The following AHNAK variants were observed in gnomAD, a reference collection of about 807,000 sequenced individuals.
AHNAK encodes the protein AHNAK nucleoprotein.
In AHNAK, 23 loss-of-function variants were observed where a neutral mutation model predicts 37.8. That is an observed-to-expected ratio of 0.61 (90% CI 0.44 to 0.86). The LOEUF is 0.86. AHNAK is among the 40% of genes least tolerant of loss of function. The probability of loss-of-function intolerance (pLI) is 0.00; values close to 1 mark genes in which losing one functional copy is unlikely to be tolerated. For synonymous variants in AHNAK, 2,481 were observed against 2,636.3 expected (o/e 0.94, Z 1.80); for missense variants, 7,411 against 7,319.4 (o/e 1.01, Z -0.46).
Position 62,529,205 on chromosome 11 carries a change from T to C in AHNAK, c.5212A>G (p.Lys1738Glu). 1.2e-6 allele frequency: 2 copies of C among 1,614,210 alleles called. No homozygotes were observed. Among genetic ancestry groups the C allele is most frequent in the Non-Finnish European group, 8.5e-7 (1 of 1,180,032 alleles). The change falls in exon 5 of 5, where the codon AAG (lysine) becomes GAG (glutamate). Residue 1738 changes from lysine (K) to glutamate (E), a missense_variant. By Grantham distance (56) the Lys-to-Glu change is moderately conservative (BLOSUM62 1). Coordinates refer to ENST00000378024, the MANE Select transcript of AHNAK (RefSeq NM_001620.3). ...EGPEVDVNLP[K>E]ADIDVSGPSV... ...GGTCCAGACACATCAATGTCAGCCT[T>C]TGGCAGATTCACATCCACTTCAGGG...
Position 62,532,045 on chromosome 11 carries a change from T to G in AHNAK, c.2372A>C (p.Asp791Ala), listed in dbSNP as rs1173558570. ...CCCTTCTGGTTCCTCAATGCTCACA[T>G]CAGGAGCAGTAACATCTATCTTGGG... ...SGPKIDVTAP[D>A]VSIEEPEGKL... The change falls in exon 5 of 5, where the codon GAT (aspartate) becomes GCT (alanine). Residue 791 changes from aspartate (D) to alanine (A), a missense_variant. Physicochemically the swap from Asp to Ala is moderately radical, Grantham distance 126. Transcript: ENST00000378024. The G allele has an allele frequency of 6.2e-7, 1 of 1,612,894 alleles. No individual in the cohort carries two copies. Among genetic ancestry groups the G allele is most frequent in the Non-Finnish European group, 8.5e-7 (1 of 1,179,852 alleles).
rs760791196 is a variant in AHNAK at position 62,533,761 on chromosome 11, C to G, written c.656G>C (p.Gly219Ala). ...PSGSGAASPTGSAVDIRAGAI... is the reference protein window; with the variant it reads ...PSGSGAASPTASAVDIRAGAI... ...CCCTGCTCGGATATCCACAGCAGAGCCTGTCGGAGAGGCTGCCCCCGAGCC... is the reference window on the plus strand; with the variant it reads ...CCCTGCTCGGATATCCACAGCAGAGGCTGTCGGAGAGGCTGCCCCCGAGCC... The change falls in exon 5 of 5, where the codon GGC (glycine) becomes GCC (alanine). Residue 219 changes from glycine to alanine, a missense_variant. Transcript: ENST00000378024. 6.2e-7 allele frequency: 1 copy of G among 1,614,176 alleles called. No homozygotes were observed. The highest frequency in any genetic ancestry group is 1.1e-5 in the South Asian group (1 of 91,074).
At chr11:62,464,888 AG>A (rs1016204621) in intron 5 of AHNAK, among the ~76,000 whole-genome samples, 60 of 152,246 alleles carry the variant, frequency 3.9e-4, no homozygotes, top group African/African-American at 1.3e-3. Flanking sequence ...TTGCTGTAAA[AG>A]TTGCAGAACA....
chr11:62,464,871 C>G (rs879835425), intron 5 of AHNAK, among the ~76,000 whole-genome samples: 1 of 151,970 alleles, frequency 6.6e-6, no homozygotes, highest in Non-Finnish European at 1.5e-5. Context: ...GATCTGGCAG[C>G]GTCAGGTTGC....
chr11:62,488,203 T>C (rs1241287686), intron 5 of AHNAK, among the ~76,000 whole-genome samples: 1 of 152,186 alleles, frequency 6.6e-6, no homozygotes, highest in African/African-American at 2.4e-5. Flanking sequence ...TACAAGTCCT[T>C]TGAGAAAAGG....
chr11:62,537,358 G>A (rs1197496156), intron 1 of AHNAK: 1 of 152,342 alleles, frequency 6.6e-6, no homozygotes, highest in Non-Finnish European at 1.5e-5. Flanking sequence ...CTGGGCTCAA[G>A]TGATCCTCCT....
chr11:62,528,329 T>A lies in AHNAK; in HGVS notation c.6088A>T (p.Met2030Leu). The A allele has an allele frequency of 6.2e-7, 1 of 1,613,574 alleles. No homozygotes were observed. Among genetic ancestry groups the A allele is most frequent in the Non-Finnish European group, 8.5e-7 (1 of 1,179,858 alleles). Residue 2030 changes from methionine to leucine, a missense_variant, in exon 5 of 5, where the codon ATG becomes TTG. Coordinates refer to ENST00000378024, the MANE Select transcript of AHNAK (RefSeq NM_001620.3). ...VPDVDIKGPK[M>L]DIDAPDVDVH... ...TCCACATCTGGGGCATCAATGTCCATTTTGGGTCCTTTGATGTCAACATCT... is the reference window on the plus strand; with the variant it reads ...TCCACATCTGGGGCATCAATGTCCAATTTGGGTCCTTTGATGTCAACATCT...
intron 4 of AHNAK, among the ~76,000 whole-genome samples, chr11:62,500,658 C>T (rs1939696081): frequency 1.3e-5 from 2 of 152,162 alleles, no homozygotes; most frequent in Admixed American, 1.3e-4. Context: ...GCTATAGAAC[C>T]GCCTCAACAT....
In AHNAK at chr11:62,459,905, G is replaced by A. The variant is rs144957450; in HGVS notation, c.443-26014C>T. ...CTGTAATCCCAGCACTTTGGGAGGC[G>A]GAGGCGGGCGGATCACCTGAGGTCA... is the stretch of plus-strand genomic sequence containing the variant. On this transcript the variant is annotated intron_variant, in intron 5 of 5. Coordinates refer to the AHNAK transcript ENST00000257247. Among the ~76,000 whole-genome samples, 1,263 of 152,052 alleles carry A rather than the reference G, an allele frequency of 8.3e-3. 18 individuals are homozygous for A. Among genetic ancestry groups the A allele is most frequent in the African/African-American group, 0.029 (1,198 of 41,474 alleles).
At position 62,531,276 on chromosome 11, in the gene AHNAK, T is replaced by C. The variant is rs914754453; in HGVS notation, c.3141A>G (p.Glu1047=). The C allele has an allele frequency of 6.2e-7, 1 of 1,613,688 alleles. No individual in the cohort carries two copies. Among genetic ancestry groups the C allele is most frequent in the South Asian group, 1.1e-5 (1 of 91,004 alleles). The change falls in exon 5 of 5, where the codon GAA becomes GAG. Residue 1047 remains glutamate (E), a synonymous_variant. Transcript: ENST00000378024. The part of the protein sequence containing the change: ...NAPDLSLEGP[E]GKLKGPKFKM... The stretch of plus-strand genomic sequence containing the variant: ...TAAACTTCGGGCCTTTCAACTTCCC[T>C]TCAGGTCCTTCAAGGCTCAGATCTG...
intron 5 of AHNAK, among the ~76,000 whole-genome samples, chr11:62,444,509 G>A (rs1938382694): frequency 6.6e-6 from 1 of 152,268 alleles, no homozygotes; most frequent in African/African-American, 2.4e-5. Context: ...AGGCAGGGTT[G>A]GCTGACAGCG....
intron 5 of AHNAK, among the ~76,000 whole-genome samples, chr11:62,472,578 T>C (rs993860123): frequency 6.6e-6 from 1 of 151,952 alleles, no homozygotes; most frequent in Non-Finnish European, 1.5e-5. Context: ...ACCATCCCTA[T>C]GAAGTCAACC....
In AHNAK at chr11:62,473,376, C is replaced by A. The variant is rs1218276624; in HGVS notation, c.442+18356G>T. 4.0e-5 allele frequency among the ~76,000 whole-genome samples: 4 copies of A among 100,076 alleles called. No homozygotes were observed. The South Asian group carries it at 1.5e-3, about 36-fold the overall frequency. The allele number at this position is 100,076 out of a possible 152,430, so 65.7% of individuals were successfully genotyped here. On this transcript the variant is annotated intron_variant, in intron 5 of 5. Coordinates refer to the AHNAK transcript ENST00000257247. The stretch of plus-strand genomic sequence containing the variant: ...TTGCACTCCAGCTTGGGCAAAAGGT[C>A]GAGACTCCATCTAAAAAAAAAAAAA...
Position 62,535,997 on chromosome 11 carries a change from C to A in AHNAK, c.102G>T (p.Val34=). 6.2e-7 allele frequency: 1 copy of A among 1,613,124 alleles called. No individual in the cohort carries two copies. Among genetic ancestry groups the A allele is most frequent in the Non-Finnish European group, 8.5e-7 (1 of 1,179,614 alleles). Residue 34 remains valine (V), a synonymous_variant, in exon 3 of 5, where the codon GTG becomes GTT. Coordinates refer to ENST00000378024, the MANE Select transcript of AHNAK (RefSeq NM_001620.3). ...TIAQRDDGVF[V]QEVTQNSPAA... is the part of the protein sequence containing the mutation. ...CAGGGGAGTTCTGCGTCACCTCCTGCACAAAGACGCCGTCGTCCCTCTGGG... is the reference window on the plus strand; with the variant it reads ...CAGGGGAGTTCTGCGTCACCTCCTGAACAAAGACGCCGTCGTCCCTCTGGG...
Position 62,532,499 on chromosome 11 carries a change from C to T in AHNAK, c.1918G>A (p.Gly640Arg). The change falls in exon 5 of 5, where the codon GGA becomes AGA. Residue 640 changes from glycine (G) to arginine (R), a missense_variant. Gly to Arg is a moderately radical substitution (Grantham distance 125, BLOSUM62 -2). Transcript: ENST00000378024. The stretch of plus-strand genomic sequence containing the variant: ...ACATCTGGACCTTCCCCTTTGGCTC[C>T]TGGAGTGCTGAACGTGGGCATTTTC... ...KMKMPTFSTP[G>R]AKGEGPDVHM... 1 of 1,614,036 alleles carries T rather than the reference C, an allele frequency of 6.2e-7. No homozygotes were observed. Among genetic ancestry groups the T allele is most frequent in the Non-Finnish European group, 8.5e-7 (1 of 1,180,004 alleles).
chr11:62,518,216 T>G lies in AHNAK; in HGVS notation c.16201A>C (p.Ile5401Leu). 1 of 1,614,220 alleles carries G rather than the reference T, an allele frequency of 6.2e-7. No individual in the cohort carries two copies. Residue 5401 changes from isoleucine (I) to leucine (L), a missense_variant, in exon 5 of 5, where the codon ATT becomes CTT. By Grantham distance (5) the Ile-to-Leu change is conservative. Transcript: ENST00000378024. ...DLSLEASEGS[I>L]KLPKMKLPQF... ...GGCAGCTTCATTTTGGGAAGTTTAA[T>G]GCTGCCTTCGGATGCCTCCAAGCTT...
intron 5 of AHNAK, among the ~76,000 whole-genome samples, chr11:62,472,710 G>A (rs751938446): frequency 9.2e-5 from 14 of 152,014 alleles, no homozygotes; most frequent in Non-Finnish European, 1.9e-4. Flanking sequence ...TTAAAATACT[G>A]TGACAGTGAA....
In AHNAK at chr11:62,527,157, C is replaced by T. The variant is rs367671550; in HGVS notation, c.7260G>A (p.Val2420=). The change falls in exon 5 of 5, where the codon GTG becomes GTA. Residue 2420 remains valine, a synonymous_variant. Coordinates refer to ENST00000378024, the MANE Select transcript of AHNAK (RefSeq NM_001620.3). ...KLEGDLKGPH[V]DVSGPDIDIE... is the part of the protein sequence containing the mutation. ...TGTCAATGTCTGGCCCACTGACATC[C>T]ACATGTGGCCCTTTAAGGTCCCCTT... 6.2e-7 allele frequency: 1 copy of T among 1,612,084 alleles called. No homozygotes were observed. The highest frequency in any genetic ancestry group is 8.5e-7 in the Non-Finnish European group (1 of 1,179,214).
At position 62,521,427 on chromosome 11, in the gene AHNAK, T is replaced by C; in HGVS notation, c.12990A>G (p.Lys4330=). 6.2e-7 allele frequency: 1 copy of C among 1,613,998 alleles called. No homozygotes were observed. ...KMPKFSMPGF[K]GEGPDVDVTL... ...TAACATCCACATCTGGGCCCTCTCC[T>C]TTGAATCCTGGCATGCTGAATTTGG... Residue 4330 remains lysine, a synonymous_variant, in exon 5 of 5, where the codon AAA becomes AAG. Coordinates refer to ENST00000378024, the MANE Select transcript of AHNAK (RefSeq NM_001620.3).
Sources: gnomAD v4.1 joint callset for allele counts (sites outside exome capture counted in the v4.1 genomes callset) on GRCh38, gnomAD v4.1.1 for gene constraint, MANE v1.5 for transcripts, NCBI Gene and HGNC (gene_info 2026-07-23, HGNC 2026-07-21) for gene names.